FHOD3: variants seen among roughly 807,000 people sequenced by gnomAD.
FHOD3 encodes FH1/FH2 domain-containing protein 3.
FHOD3 carries 90 observed loss-of-function variants against 173.0 expected under a neutral mutation model. The observed-to-expected ratio is 0.52, with a 90% CI of 0.44 to 0.62. The LOEUF (loss-of-function observed/expected upper bound fraction) is 0.62, where lower values mean the gene tolerates loss of function less well. Among genes scored for constraint, FHOD3 ranks in the 20% least tolerant of loss-of-function variants. The pLI, the probability that FHOD3 is intolerant of heterozygous loss-of-function variation, is 0.00. For missense variants in FHOD3, 1,945 were observed against 2,034.7 expected, an observed-to-expected ratio of 0.96 and a Z score of 0.85; for synonymous variants, 828 against 823.0, an observed-to-expected ratio of 1.01 and a Z score of -0.10.
intron 1 of FHOD3, among the ~76,000 whole-genome samples, chr18:36,310,553 G>C (rs1004673007): frequency 6.6e-5 from 10 of 151,988 alleles, no homozygotes; most frequent in Non-Finnish European, 8.8e-5. Flanking sequence ...CAGGCATGGT[G>C]GTGGGTGCCC....
chr18:36,410,621 G>A (rs2049308803), intron 3 of FHOD3, among the ~76,000 whole-genome samples: 1 of 152,122 alleles, frequency 6.6e-6, no homozygotes, highest in African/African-American at 2.4e-5. Flanking sequence ...TAATGTATGA[G>A]ATTTCCAGTT....
chr18:36,336,266 A>T (rs1006485867), intron 1 of FHOD3, among the ~76,000 whole-genome samples: 1 of 152,200 alleles, frequency 6.6e-6, no homozygotes, highest in Non-Finnish European at 1.5e-5. Context: ...AAGGAACCTG[A>T]GTTGAGTCCT....
At chr18:36,594,950 G>A (rs747116790) in intron 7 of FHOD3, 52 bp downstream of exon 7, 11 of 1,195,980 alleles carry the variant, frequency 9.2e-6, no homozygotes, top group Non-Finnish European at 1.3e-5. Flanking sequence ...TCTAATGTAG[G>A]GAGGCTTCTG....
intron 10 of FHOD3, among the ~76,000 whole-genome samples, chr18:36,628,046 A>G (rs886753936): frequency 6.6e-6 from 1 of 152,208 alleles, no homozygotes; most frequent in Non-Finnish European, 1.5e-5. Context: ...CAGTCACCCA[A>G]GTGATGCCAA....
chr18:36,297,891 G>A lies in FHOD3; in HGVS notation c.56G>A (p.Ser19Asn). The change falls in exon 1 of 29, where the codon AGC becomes AAC. Residue 19 changes from serine to asparagine, a missense_variant. Physicochemically the swap from Ser to Asn is conservative, Grantham distance 46. Coordinates refer to ENST00000590592, the MANE Select transcript of FHOD3 (RefSeq NM_001281740.3). ...QFLDDTDPFN[S>N]TNFPEPSRPP... Reference sequence around the variant, plus strand: ...TTGGACGACACGGACCCTTTCAACAGCACCAACTTCCCCGAGCCCAGCCGG... The same window carrying A: ...TTGGACGACACGGACCCTTTCAACAACACCAACTTCCCCGAGCCCAGCCGG... The A allele has an allele frequency of 1.3e-6, 2 of 1,558,574 alleles. No individual in the cohort carries two copies. Among genetic ancestry groups the A allele is most frequent in the South Asian group, 1.2e-5 (1 of 84,324 alleles).
intron 5 of FHOD3, among the ~76,000 whole-genome samples, chr18:36,547,399 G>T (rs1356623778): frequency 1.3e-5 from 2 of 152,082 alleles, no homozygotes; most frequent in African/African-American, 4.8e-5. Flanking sequence ...AAAAATTCTT[G>T]TTTTTCTGTG....
intron 3 of FHOD3, among the ~76,000 whole-genome samples, chr18:36,479,990 C>G (rs2053792381): frequency 1.3e-5 from 2 of 152,182 alleles, no homozygotes; most frequent in South Asian, 4.1e-4. Flanking sequence ...CTAGGCAGAA[C>G]TAGCTGTTAA....
chr18:36,305,567 G>A (rs1217705367), intron 1 of FHOD3, among the ~76,000 whole-genome samples: 2 of 152,248 alleles, frequency 1.3e-5, no homozygotes, highest in South Asian at 2.1e-4. Context: ...TAACCAGAGT[G>A]TGTGGGACAA....
At chr18:36,626,323 G>C (rs1449815696) in intron 10 of FHOD3, among the ~76,000 whole-genome samples, 1 of 152,192 alleles carries the variant, frequency 6.6e-6, no homozygotes, top group African/African-American at 2.4e-5. Context: ...AAATAGAAAG[G>C]TATGATCTCT....
At chr18:36,443,940 T>C (rs924917005) in intron 3 of FHOD3, among the ~76,000 whole-genome samples, 9 of 152,236 alleles carry the variant, frequency 5.9e-5, no homozygotes, top group African/African-American at 2.2e-4. Flanking sequence ...TTTTCAGAAT[T>C]GTTAACCTAT....
chr18:36,514,391 G>A (rs926619795), intron 5 of FHOD3, among the ~76,000 whole-genome samples: 6 of 152,174 alleles, frequency 3.9e-5, no homozygotes, highest in Non-Finnish European at 7.3e-5. Flanking sequence ...TGTCTAAAGA[G>A]ATGAGTGCAG....
intron 19 of FHOD3, among the ~76,000 whole-genome samples, chr18:36,728,765 C>T (rs1480346958): frequency 6.6e-6 from 1 of 152,172 alleles, no homozygotes. Context: ...AACAGTTTCT[C>T]TAGATGGCTT....
chr18:36,360,845 T>G, intron 2 of FHOD3, among the ~76,000 whole-genome samples: 1 of 152,204 alleles, frequency 6.6e-6, no homozygotes, highest in East Asian at 1.9e-4. Flanking sequence ...CTTCTTATGA[T>G]ATAATACAAA....
chr18:36,767,488 T>A (rs2043190423), intron 27 of FHOD3, among the ~76,000 whole-genome samples: 1 of 152,058 alleles, frequency 6.6e-6, no homozygotes, highest in Non-Finnish European at 1.5e-5. Flanking sequence ...CTTGACTAAT[T>A]TTTGTATTTT....
chr18:36,549,196 T>C (rs1159944415), intron 5 of FHOD3, among the ~76,000 whole-genome samples: 2 of 152,252 alleles, frequency 1.3e-5, no homozygotes, highest in Non-Finnish European at 2.9e-5. Context: ...ATCTTTTTTA[T>C]GTGCTTATTT....
At chr18:36,727,766 A>G (rs1369408794) in intron 19 of FHOD3, among the ~76,000 whole-genome samples, 1 of 152,204 alleles carries the variant, frequency 6.6e-6, no homozygotes, top group Non-Finnish European at 1.5e-5. Flanking sequence ...ACATGTGGAC[A>G]CTGGCTGCCA....
chr18:36,567,228 C>G (rs1444205252), intron 5 of FHOD3, among the ~76,000 whole-genome samples: 1 of 151,868 alleles, frequency 6.6e-6, no homozygotes, highest in Non-Finnish European at 1.5e-5. Context: ...TTTAACAGTT[C>G]ATTGCAGTAA....
At position 36,559,367 on chromosome 18, in the gene FHOD3, G is replaced by T. The variant is rs541168828; in HGVS notation, c.512-17084G>T. On this transcript the variant is annotated intron_variant, in intron 5 of 28. Coordinates refer to ENST00000590592, the MANE Select transcript of FHOD3 (RefSeq NM_001281740.3). ...TGAGTTAAAGATGAACTGAGCAGCGGGACCGGTGACATCAGTCCTCCTCCA... is the reference window on the plus strand; with the variant it reads ...TGAGTTAAAGATGAACTGAGCAGCGTGACCGGTGACATCAGTCCTCCTCCA... Among the ~76,000 whole-genome samples the T allele has an allele frequency of 8.5e-5, 13 of 152,298 alleles. No homozygotes were observed. The South Asian group carries it at 1.5e-3, about 17-fold the overall frequency.
chr18:36,549,859 T>C (rs2057571654), intron 5 of FHOD3, among the ~76,000 whole-genome samples: 1 of 152,010 alleles, frequency 6.6e-6, no homozygotes, highest in Non-Finnish European at 1.5e-5. Flanking sequence ...TGGCCAGATC[T>C]AAGAAATCTT....
Sources: gnomAD v4.1 joint callset for allele counts (sites outside exome capture counted in the v4.1 genomes callset) on GRCh38, gnomAD v4.1.1 for gene constraint, MANE v1.5 for transcripts, NCBI Gene and HGNC (gene_info 2026-07-23, HGNC 2026-07-21) for gene names.